The following TCHHL1 variants were observed in gnomAD, a reference collection of about 807,000 sequenced individuals.
The protein encoded by TCHHL1 is trichohyalin-like protein 1.
In TCHHL1, 1 loss-of-function variant was observed where a neutral mutation model predicts 3.5. That is an observed-to-expected ratio of 0.29 (90% CI 0.10 to 1.36). The LOEUF is 1.36. TCHHL1 is among the 40% of genes most tolerant of loss of function. TCHHL1 has a pLI of 0.43. For synonymous variants in TCHHL1, 405 were observed against 375.3 expected (o/e 1.08, Z -0.92); for missense variants, 1,027 against 1,032.8 (o/e 0.99, Z 0.08).
At position 152,084,547 on chromosome 1, in the gene TCHHL1, G is replaced by A. The variant is rs79272784; in HGVS notation, c.*420C>T. 269 of 154,164 alleles carry A rather than the reference G, an allele frequency of 1.7e-3. 11 individuals are homozygous for A. The East Asian group carries it at 0.039, about 22-fold the overall frequency. The allele number at this position is 154,164 out of a possible 1,614,324, so 9.5% of individuals were successfully genotyped here. A position where few individuals can be genotyped will look rare whatever the true frequency, so the allele number is the denominator to read the frequency against. On this transcript the variant is annotated 3_prime_UTR_variant, in exon 3 of 3. Transcript: ENST00000368806. ...AAATACTTCTAGGAAATGTCATGAA[G>A]CAGAGTAATCTATATATATGAATTA...
chr1:152,087,107 A>G lies in TCHHL1; in HGVS notation c.575T>C (p.Val192Ala), dbSNP rs763470213. The G allele has an allele frequency of 2.0e-5, 33 of 1,613,608 alleles. No homozygotes were observed. Among genetic ancestry groups the G allele is most frequent in the Non-Finnish European group, 2.6e-5 (31 of 1,179,934 alleles). Reference protein sequence around the residue: ...HLEGDEQSQEVAQDIQTTEDN... With the variant: ...HLEGDEQSQEAAQDIQTTEDN... ...TTCTGTTGTTTGTATATCTTGAGCC[A>G]CTTCCTGACTTTGTTCATCTCCTTC... The change falls in exon 3 of 3, where the codon GTG becomes GCG. Residue 192 changes from valine (V) to alanine (A), a missense_variant. By Grantham distance (64) the Val-to-Ala change is moderately conservative. Around this residue, in one of 3 missense-constraint regions of TCHHL1, gnomAD observed 338 missense variants for 335.9 expected, o/e 1.01. Coordinates refer to ENST00000368806, the MANE Select transcript of TCHHL1 (RefSeq NM_001008536.2).
At position 152,088,088 on chromosome 1, in the gene TCHHL1, G is replaced by C. The variant is rs142056537; in HGVS notation, c.56C>G (p.Ala19Gly). 4.0e-3 allele frequency: 6,519 copies of C among 1,609,724 alleles called. 29 individuals are homozygous for C. Among genetic ancestry groups the C allele is most frequent in the South Asian group, 6.2e-3 (559 of 90,388 alleles). ...TGTTGCCCCGTTACTGTCCTCACTG[G>C]CATATTTGTGGAATGTCTCAATTAC... ...LCVIETFHKY[A>G]SEDSNGATLT... Residue 19 changes from alanine (A) to glycine (G), a missense_variant, in exon 2 of 3, where the codon GCC becomes GGC. Physicochemically the swap from Ala to Gly is moderately conservative, Grantham distance 60. Coordinates refer to ENST00000368806, the MANE Select transcript of TCHHL1 (RefSeq NM_001008536.2).
At chr1:152,087,744 G>A (rs2101507337) in intron 2 of TCHHL1, among the ~76,000 whole-genome samples, 1 of 152,266 alleles carries the variant, frequency 6.6e-6, no homozygotes, top group East Asian at 1.9e-4. Context: ...CTTGTGAGTT[G>A]CATTTTGATG....
In TCHHL1 at chr1:152,086,119, G is replaced by A. The variant is rs1432836361; in HGVS notation, c.1563C>T (p.Asp521=). ...AACCATCCTCCTCCTCAACTGGTTG[G>A]TCATGAGTCTTGGTGACCCTAGTAT... ...GENTRVTKTH[D]QPVEEEDGYQ... Residue 521 remains aspartate (D), a synonymous_variant, in exon 3 of 3, where the codon GAC becomes GAT. Coordinates refer to ENST00000368806, the MANE Select transcript of TCHHL1 (RefSeq NM_001008536.2). 3.2e-5 allele frequency: 51 copies of A among 1,614,068 alleles called. No individual in the cohort carries two copies. The highest frequency in any genetic ancestry group is 4.1e-5 in the Non-Finnish European group (48 of 1,180,052).
rs1217635816 is a variant in TCHHL1, at chr1:152,088,039, T to C, written c.105A>G (p.Gln35=). The change falls in exon 2 of 3, where the codon CAA becomes CAG. Residue 35 remains glutamine (Q), a synonymous_variant. Transcript: ENST00000368806. Reference sequence around the variant, plus strand: ...AGTCCCCAAACTCGCCCTGGATGAGTTGTTTCAGCTCTCTGCCAGTCAGTG... The same window carrying C: ...AGTCCCCAAACTCGCCCTGGATGAGCTGTTTCAGCTCTCTGCCAGTCAGTG... ...GATLTGRELK[Q]LIQGEFGDFF... is the part of the protein sequence containing the mutation. The C allele has an allele frequency of 1.2e-6, 2 of 1,607,278 alleles. No individual in the cohort carries two copies.
Position 152,087,013 on chromosome 1 carries a change from C to G in TCHHL1, c.669G>C (p.Glu223Asp), listed in dbSNP as rs756998522. The change falls in exon 3 of 3, where the codon GAG (glutamate) becomes GAC (aspartate). Residue 223 changes from glutamate (E) to aspartate (D), a missense_variant. By Grantham distance (45) the Glu-to-Asp change is conservative (BLOSUM62 2). Around this residue, in one of 3 missense-constraint regions of TCHHL1, gnomAD observed 338 missense variants for 335.9 expected, o/e 1.01. Coordinates refer to ENST00000368806, the MANE Select transcript of TCHHL1 (RefSeq NM_001008536.2). ...AGSKKTSSPTERKGQDKEISQ... is the reference protein window; with the variant it reads ...AGSKKTSSPTDRKGQDKEISQ... The stretch of plus-strand genomic sequence containing the variant: ...AGATCTCCTTATCTTGTCCCTTCCT[C>G]TCTGTGGGACTGCTGGTCTTTTTTG... 115 of 1,614,030 alleles carry G rather than the reference C, an allele frequency of 7.1e-5. No individual in the cohort carries two copies. Among genetic ancestry groups the G allele is most frequent in the Non-Finnish European group, 8.9e-5 (105 of 1,180,052 alleles).
Position 152,084,287 on chromosome 1 carries a change from A to G in TCHHL1, c.*680T>C, listed in dbSNP as rs563636667. 1 of 167,638 alleles carries G rather than the reference A, an allele frequency of 6.0e-6. No homozygotes were observed. Among genetic ancestry groups the G allele is most frequent in the South Asian group, 2.1e-4 (1 of 4,840 alleles). The allele number at this position is 167,638 out of a possible 1,614,324, so 10.4% of individuals were successfully genotyped here. ...CTTTAGATTTGTGTTTTCTCTCATA[A>G]TTATTCTTGATTGTTTATTTGAGCC... On this transcript the variant is annotated 3_prime_UTR_variant, in exon 3 of 3. Coordinates refer to ENST00000368806, the MANE Select transcript of TCHHL1 (RefSeq NM_001008536.2).
chr1:152,086,143 AT>A lies in TCHHL1; in HGVS notation c.1538del (p.Asn513IlefsTer158). 3.1e-6 allele frequency: 5 copies of A among 1,613,966 alleles called. No individual in the cohort carries two copies. Among genetic ancestry groups the A allele is most frequent in the Non-Finnish European group, 4.2e-6 (5 of 1,179,982 alleles). Reference sequence around the variant, plus strand: ...GGTCATGAGTCTTGGTGACCCTAGTATTTTCTCCTACAGACTGCTTCTCAAG... The same window carrying A: ...GGTCATGAGTCTTGGTGACCCTAGTATTTCTCCTACAGACTGCTTCTCAAG... ...APLEKQSVGENTRVTKTHDQP... is the reference protein window; with the variant it reads ...APLEKQSVGEXTRVTKTHDQP... On this transcript the variant is annotated frameshift_variant, in exon 3 of 3. Transcript: ENST00000368806. LOFTEE classifies it low-confidence loss of function (END_TRUNC).
Position 152,087,296 on chromosome 1 carries a change from T to A in TCHHL1, c.386A>T (p.Gln129Leu). ...TCCTGAAGGAAGCATCCTCTTTTCT[T>A]GAGTTGGTGAAGTTCCCACTGTCCA... ...GQWTVGTSPT[Q>L]EKRMLPSGMA... is the part of the protein sequence containing the mutation. Residue 129 changes from glutamine (Q) to leucine (L), a missense_variant, in exon 3 of 3, where the codon CAA becomes CTA. Physicochemically the swap from Gln to Leu is moderately radical, Grantham distance 113. Around this residue, in one of 3 missense-constraint regions of TCHHL1, gnomAD observed 338 missense variants for 335.9 expected, o/e 1.01. Coordinates refer to ENST00000368806, the MANE Select transcript of TCHHL1 (RefSeq NM_001008536.2). 1 of 1,614,098 alleles carries A rather than the reference T, an allele frequency of 6.2e-7. No individual in the cohort carries two copies. The highest frequency in any genetic ancestry group is 1.1e-5 in the South Asian group (1 of 91,066).
chr1:152,087,034 T>C lies in TCHHL1; in HGVS notation c.648A>G (p.Lys216=), dbSNP rs2101506392. The C allele has an allele frequency of 1.2e-6, 2 of 1,614,196 alleles. No homozygotes were observed. Among genetic ancestry groups the C allele is most frequent in the East Asian group, 4.5e-5 (2 of 44,884 alleles). Residue 216 remains lysine, a synonymous_variant, in exon 3 of 3, where the codon AAA becomes AAG. Transcript: ENST00000368806. ...TCCTCTCTGTGGGACTGCTGGTCTTTTTTGATCCTGCCATTGGCTTATTTG... is the reference window on the plus strand; with the variant it reads ...TCCTCTCTGTGGGACTGCTGGTCTTCTTTGATCCTGCCATTGGCTTATTTG... ...LKTNKPMAGS[K]KTSSPTERKG...
At chr1:152,088,603 G>A (rs1258915993) in intron 1 of TCHHL1, among the ~76,000 whole-genome samples, 1 of 152,136 alleles carries the variant, frequency 6.6e-6, no homozygotes, top group Admixed American at 6.5e-5. Flanking sequence ...TTTAAAGTTA[G>A]CAAAGCTTCT....
rs1184980987 is a variant in TCHHL1 at position 152,086,753 on chromosome 1, G to T, written c.929C>A (p.Ala310Asp). ...SSQHADLPEQ[A>D]AARSPSQTQK... is the part of the protein sequence containing the mutation. ...TGTCTGAGATGGTGACCTGGCAGCA[G>T]CTTGTTCTGGCAGGTCAGCATGCTG... is the stretch of plus-strand genomic sequence containing the variant. Residue 310 changes from alanine to aspartate, a missense_variant, in exon 3 of 3, where the codon GCT (alanine) becomes GAT (aspartate). Around this residue, in one of 3 missense-constraint regions of TCHHL1, gnomAD observed 16 missense variants for 38.3 expected, o/e 0.42. Coordinates refer to ENST00000368806, the MANE Select transcript of TCHHL1 (RefSeq NM_001008536.2). 6 of 1,614,080 alleles carry T rather than the reference G, an allele frequency of 3.7e-6. No homozygotes were observed. In the Admixed American group the frequency reaches 8.3e-5, roughly 22 times the overall value.
intron 1 of TCHHL1, 103 bp from the exon 2 acceptor site, chr1:152,088,266 C>T: frequency 3.2e-6 from 3 of 946,126 alleles, no homozygotes; most frequent in Non-Finnish European, 4.5e-6. Context: ...ACTGCAACCC[C>T]TGCTCTATTC....
At chr1:152,087,675 T>C (rs916608783) in intron 2 of TCHHL1, 132 bp from the exon 3 acceptor site, 16 of 1,001,872 alleles carry the variant, frequency 1.6e-5, no homozygotes, top group Non-Finnish European at 2.3e-5. Context: ...CAAGAACTTA[T>C]TGGTTCTGCA....
chr1:152,085,334 T>C lies in TCHHL1; in HGVS notation c.2348A>G (p.Gln783Arg), dbSNP rs763851070. Residue 783 changes from glutamine to arginine, a missense_variant, in exon 3 of 3, where the codon CAG (glutamine) becomes CGG (arginine). This residue lies in a region of TCHHL1 where 673 missense variants were observed against 658.6 expected (regional missense o/e 1.02). Transcript: ENST00000368806. ...VPWSSLEKQMQRDQEPCSVER... is the reference protein window; with the variant it reads ...VPWSSLEKQMRRDQEPCSVER... Reference sequence around the variant, plus strand: ...CACAGAACAGGGCTCTTGGTCTCTCTGCATCTGCTTTTCAAGACTTGACCA... The same window carrying C: ...CACAGAACAGGGCTCTTGGTCTCTCCGCATCTGCTTTTCAAGACTTGACCA... The C allele has an allele frequency of 6.2e-7, 1 of 1,614,218 alleles. No homozygotes were observed. The highest frequency in any genetic ancestry group is 8.5e-7 in the Non-Finnish European group (1 of 1,180,036).
Position 152,085,899 on chromosome 1 carries a change from G to A in TCHHL1, c.1783C>T (p.Gln595Ter). 6.2e-7 allele frequency: 1 copy of A among 1,614,168 alleles called. No individual in the cohort carries two copies. Among genetic ancestry groups the A allele is most frequent in the South Asian group, 1.1e-5 (1 of 91,082 alleles). Reference sequence around the variant, plus strand: ...TTCTCACCAGGTGTTCCCTGCCTCTGGGTATCTGGGTTATTATTGTGACCT... The same window carrying A: ...TTCTCACCAGGTGTTCCCTGCCTCTAGGTATCTGGGTTATTATTGTGACCT... ...QGGHNNNPDTQRQGTPGEKNR... is the reference protein window; with the variant it reads ...QGGHNNNPDT The change falls in exon 3 of 3, where the codon CAG becomes TAG. Residue 595 changes from glutamine to a stop codon, truncating the protein, a stop_gained. Transcript: ENST00000368806. LOFTEE classifies it low-confidence loss of function (END_TRUNC).
In TCHHL1 at chr1:152,088,064, G is replaced by A; in HGVS notation, c.80C>T (p.Thr27Ile). Residue 27 changes from threonine to isoleucine, a missense_variant, in exon 2 of 3, where the codon ACA becomes ATA. Around this residue, in one of 3 missense-constraint regions of TCHHL1, gnomAD observed 338 missense variants for 335.9 expected, o/e 1.01. Transcript: ENST00000368806. Reference protein sequence around the residue: ...KYASEDSNGATLTGRELKQLI... With the variant: ...KYASEDSNGAILTGRELKQLI... ...TTGTTTCAGCTCTCTGCCAGTCAGT[G>A]TTGCCCCGTTACTGTCCTCACTGGC... The A allele has an allele frequency of 6.2e-7, 1 of 1,612,084 alleles. No homozygotes were observed. Among genetic ancestry groups the A allele is most frequent in the Non-Finnish European group, 8.5e-7 (1 of 1,179,444 alleles).
In TCHHL1 at chr1:152,086,361, C is replaced by T; in HGVS notation, c.1321G>A (p.Gly441Ser). ...GLSKSKDAEK[G>S]SETQYLSSEG... ...GAGCTTAGATATTGTGTCTCAGAAC[C>T]TTTTTCAGCATCTTTTGATTTTGAT... Residue 441 changes from glycine (G) to serine (S), a missense_variant, in exon 3 of 3, where the codon GGT becomes AGT. Physicochemically the swap from Gly to Ser is moderately conservative, Grantham distance 56 (BLOSUM62 0). Around this residue, in one of 3 missense-constraint regions of TCHHL1, gnomAD observed 673 missense variants for 658.6 expected, o/e 1.02. Coordinates refer to ENST00000368806, the MANE Select transcript of TCHHL1 (RefSeq NM_001008536.2). 1 of 1,614,144 alleles carries T rather than the reference C, an allele frequency of 6.2e-7. No individual in the cohort carries two copies. Among genetic ancestry groups the T allele is most frequent in the Non-Finnish European group, 8.5e-7 (1 of 1,180,012 alleles).
At position 152,087,165 on chromosome 1, in the gene TCHHL1, A is replaced by T. The variant is rs145646463; in HGVS notation, c.517T>A (p.Ser173Thr). Residue 173 changes from serine to threonine, a missense_variant, in exon 3 of 3, where the codon TCT becomes ACT. By Grantham distance (58) the Ser-to-Thr change is moderately conservative. This residue lies in a region of TCHHL1 where 338 missense variants were observed against 335.9 expected (regional missense o/e 1.01). Coordinates refer to ENST00000368806, the MANE Select transcript of TCHHL1 (RefSeq NM_001008536.2). ...AKTHNFPGEA[S>T]EHNDPKNKHL... Reference sequence around the variant, plus strand: ...TTGTTCTTAGGATCATTGTGTTCAGATGCTTCTCCTGGAAAGTTGTGAGTC... The same window carrying T: ...TTGTTCTTAGGATCATTGTGTTCAGTTGCTTCTCCTGGAAAGTTGTGAGTC... 8.1e-6 allele frequency: 13 copies of T among 1,614,026 alleles called. No individual in the cohort carries two copies. In the Admixed American group the frequency reaches 8.3e-5, roughly 10 times the overall value.
Sources: gnomAD v4.1 joint callset for allele counts (sites outside exome capture counted in the v4.1 genomes callset) on GRCh38, gnomAD v4.1.1 for gene constraint, gnomAD v4.1.1 regional missense constraint, MANE v1.5 for transcripts, NCBI Gene and HGNC (gene_info 2026-07-23, HGNC 2026-07-21) for gene names.